The following MTHFD1L variants were observed in gnomAD, a reference collection of about 807,000 sequenced individuals.
The protein encoded by MTHFD1L is monofunctional C1-tetrahydrofolate synthase, mitochondrial.
MTHFD1L carries 81 observed loss-of-function variants against 119.5 expected under a neutral mutation model. The ratio of observed to expected loss-of-function variants is 0.68; its 90% confidence interval spans 0.57 to 0.82. The LOEUF is 0.82. Among genes scored for constraint, MTHFD1L ranks in the 40% least tolerant of loss-of-function variants. MTHFD1L has a pLI of 0.00. For synonymous variants in MTHFD1L, 430 were observed against 475.2 expected, an observed-to-expected ratio of 0.90 and a Z score of 1.24; for missense variants, 1,125 against 1,253.4, an observed-to-expected ratio of 0.90 and a Z score of 1.55.
intron 1 of MTHFD1L, among the ~76,000 whole-genome samples, chr6:150,875,341 G>A (rs2128738736): frequency 6.6e-6 from 1 of 152,196 alleles, no homozygotes; most frequent in Middle Eastern, 3.4e-3. Context: ...ATGCCACCAT[G>A]CCAGGCCTTC....
intron 19 of MTHFD1L, among the ~76,000 whole-genome samples, chr6:150,965,534 A>G (rs1192401491): frequency 6.6e-6 from 1 of 152,086 alleles, no homozygotes; most frequent in African/African-American, 2.4e-5. Context: ...TGTGGCACAC[A>G]CCTGTAGTCC....
intron 26 of MTHFD1L, among the ~76,000 whole-genome samples, chr6:151,052,068 A>C (rs1584329898): frequency 6.6e-6 from 1 of 152,224 alleles, no homozygotes; most frequent in East Asian, 1.9e-4. Flanking sequence ...GATGTGAGCA[A>C]GGAGTCCAGG....
chr6:150,932,284 A>G (rs920716694), intron 11 of MTHFD1L, among the ~76,000 whole-genome samples: 7 of 152,030 alleles, frequency 4.6e-5, no homozygotes, highest in Non-Finnish European at 1.0e-4. Flanking sequence ...TACCTCAACA[A>G]GTGTGTGGCC....
At chr6:150,899,993 ATT>A (rs901296350) in intron 7 of MTHFD1L, among the ~76,000 whole-genome samples, 8 of 147,874 alleles carry the variant, frequency 5.4e-5, no homozygotes, top group East Asian at 3.9e-4. Flanking sequence ...ATATATATAT[ATT>A]TTTTATATTA....
chr6:151,011,202 T>A (rs1368937054), intron 21 of MTHFD1L, among the ~76,000 whole-genome samples: 1 of 152,236 alleles, frequency 6.6e-6, no homozygotes, highest in African/African-American at 2.4e-5. Context: ...AATGCAAGAA[T>A]GATATAATAC....
At chr6:150,867,671 C>T (rs1778642647) in intron 1 of MTHFD1L, among the ~76,000 whole-genome samples, 1 of 152,134 alleles carries the variant, frequency 6.6e-6, no homozygotes, top group Non-Finnish European at 1.5e-5. Flanking sequence ...AGACAGCCGT[C>T]TCTTCGGTGC....
intron 14 of MTHFD1L, 90 bp downstream of exon 14, chr6:150,944,683 G>A: frequency 7.8e-6 from 7 of 900,990 alleles, no homozygotes; most frequent in Non-Finnish European, 1.2e-5. Context: ...TCTGGTGTCT[G>A]CAAACTCTGA....
chr6:151,003,365 C>G (rs1199096949), intron 20 of MTHFD1L, among the ~76,000 whole-genome samples: 1 of 152,142 alleles, frequency 6.6e-6, no homozygotes, highest in Non-Finnish European at 1.5e-5. Context: ...AACCCTGACT[C>G]TACAAAAAAT....
In MTHFD1L at chr6:150,865,712, C is replaced by A; in HGVS notation, c.-111C>A. The A allele has an allele frequency of 1.0e-6, 1 of 960,984 alleles. No individual in the cohort carries two copies. The highest frequency in any genetic ancestry group is 1.3e-6 in the Non-Finnish European group (1 of 772,342). The allele number at this position is 960,984 out of a possible 1,614,324, so 59.5% of individuals were successfully genotyped here. On this transcript the variant is annotated 5_prime_UTR_variant, in exon 1 of 28. Transcript: ENST00000367321. ...GGCCCCTGGGACGAGGAGGAAGCGC[C>A]AGGTCCTTCCCGCCGCCGCCGCCGC... is the stretch of plus-strand genomic sequence containing the variant.
chr6:150,876,537 A>T (rs1253362146), intron 2 of MTHFD1L, among the ~76,000 whole-genome samples: 1 of 152,244 alleles, frequency 6.6e-6, no homozygotes, highest in Non-Finnish European at 1.5e-5. Flanking sequence ...ATGGACACAG[A>T]TGCTAGATGA....
chr6:150,901,472 C>T (rs1374374261), intron 7 of MTHFD1L, among the ~76,000 whole-genome samples: 1 of 152,114 alleles, frequency 6.6e-6, no homozygotes, highest in Admixed American at 6.5e-5. Context: ...AGTGAGACCC[C>T]GTCTCCAAAA....
chr6:150,903,203 ATTTTTTTTTTTTTTTTTTT>A (rs774695918), intron 7 of MTHFD1L, among the ~76,000 whole-genome samples: 2 of 85,474 alleles, frequency 2.3e-5, no homozygotes, highest in African/African-American at 1.0e-4. Flanking sequence ...TGGCTGCAAA[ATTTTTTTTTTTTTTTTTTT>A]TTTTTTTTTT....
chr6:151,091,194 G>C (rs62441057), intron 26 of MTHFD1L, among the ~76,000 whole-genome samples: 1 of 138,476 alleles, frequency 7.2e-6, no homozygotes, highest in Admixed American at 7.2e-5. Context: ...GTGCAGCATC[G>C]TTCCATGCGA....
At chr6:150,992,049 G>T (rs1779126347) in intron 20 of MTHFD1L, among the ~76,000 whole-genome samples, 1 of 152,158 alleles carries the variant, frequency 6.6e-6, no homozygotes, top group Non-Finnish European at 1.5e-5. Context: ...GAATGATTTT[G>T]CCAGGACTGT....
intron 24 of MTHFD1L, among the ~76,000 whole-genome samples, chr6:151,018,457 C>T (rs1321307786): frequency 6.6e-6 from 1 of 152,144 alleles, no homozygotes; most frequent in Admixed American, 6.5e-5. Flanking sequence ...CACATGTTCA[C>T]CTCTTTGGTC....
intron 11 of MTHFD1L, among the ~76,000 whole-genome samples, chr6:150,928,111 A>G (rs184714948): frequency 1.1e-4 from 17 of 152,242 alleles, no homozygotes; most frequent in Admixed American, 4.6e-4. Context: ...AGTGAGTTCA[A>G]TTATTTATAA....
chr6:150,913,555 C>T (rs1787319554), intron 8 of MTHFD1L, among the ~76,000 whole-genome samples: 1 of 152,168 alleles, frequency 6.6e-6, no homozygotes, highest in African/African-American at 2.4e-5. Context: ...ATCCTCCTGC[C>T]TTGGCCTCTG....
intron 10 of MTHFD1L, among the ~76,000 whole-genome samples, chr6:150,924,173 G>A (rs922844259): frequency 3.9e-5 from 6 of 152,072 alleles, no homozygotes; most frequent in Non-Finnish European, 7.4e-5. Context: ...CCCAAAAATC[G>A]GATGATGTCT....
intron 20 of MTHFD1L, among the ~76,000 whole-genome samples, chr6:151,005,914 G>A (rs1781323581): frequency 6.6e-6 from 1 of 152,146 alleles, no homozygotes; most frequent in South Asian, 2.1e-4. Context: ...GAAAAAAAGG[G>A]AAGTATGATA....
Sources: gnomAD v4.1 joint callset for allele counts (sites outside exome capture counted in the v4.1 genomes callset) on GRCh38, gnomAD v4.1.1 for gene constraint, MANE v1.5 for transcripts, NCBI Gene and HGNC (gene_info 2026-07-23, HGNC 2026-07-21) for gene names.